DOCK1: variants seen among roughly 807,000 people sequenced by gnomAD.
The protein encoded by DOCK1 is dedicator of cytokinesis protein 1.
A neutral mutation model predicts 262.7 loss-of-function variants in DOCK1; 138 were observed. The ratio of observed to expected loss-of-function variants is 0.53; its 90% CI spans 0.46 to 0.61. DOCK1 has a LOEUF of 0.61. DOCK1 is among the 20% of genes least tolerant of loss of function. The pLI, the probability that DOCK1 is intolerant of heterozygous loss-of-function variation, is 0.00. For synonymous variants in DOCK1, 866 were observed against 867.4 expected (o/e 1.00, Z 0.03); for missense variants, 1,908 against 2,370.7 (o/e 0.80, Z 4.05).
intron 25 of DOCK1, among the ~76,000 whole-genome samples, chr10:127,110,862 C>A (rs1184978079): frequency 6.6e-6 from 1 of 152,086 alleles, no homozygotes; most frequent in Admixed American, 6.5e-5. Flanking sequence ...ATCTCCCTGC[C>A]CTTTTTAGTA....
At chr10:127,419,812 C>T (rs1218589540) in intron 46 of DOCK1, 63 bp downstream of exon 46, 2 of 1,496,056 alleles carry the variant, frequency 1.3e-6, no homozygotes, top group East Asian at 2.5e-5. Context: ...GGTCTAGGCT[C>T]AGCACACACA....
intron 24 of DOCK1, among the ~76,000 whole-genome samples, chr10:127,107,061 A>G (rs10829387): frequency 0.24 from 35,562 of 151,252 alleles, 5,727 homozygotes; most frequent in African/African-American, 0.46. Flanking sequence ...GGCCTCAAGC[A>G]CCCCTCCCGC....
At chr10:126,937,806 C>T (rs2034656764) in intron 1 of DOCK1, among the ~76,000 whole-genome samples, 1 of 152,068 alleles carries the variant, frequency 6.6e-6, no homozygotes, top group Admixed American at 6.6e-5. Flanking sequence ...TGCCTTTCTA[C>T]TCTGTTGATA....
intron 1 of DOCK1, among the ~76,000 whole-genome samples, chr10:126,949,591 G>T (rs2036003086): frequency 6.6e-6 from 1 of 152,090 alleles, no homozygotes; most frequent in Non-Finnish European, 1.5e-5. Context: ...ATCTCTCTGT[G>T]ATGAGAGCAT....
chr10:127,102,092 A>G (rs1160436674), intron 23 of DOCK1, among the ~76,000 whole-genome samples: 1 of 152,168 alleles, frequency 6.6e-6, no homozygotes, highest in African/African-American at 2.4e-5. Flanking sequence ...TGAGGTGAAC[A>G]ACAGCATGGA....
Position 127,017,469 on chromosome 10 carries a change from G to A in DOCK1, c.1202-1241G>A, listed in dbSNP as rs142309671. On this transcript the variant is annotated intron_variant, in intron 12 of 51. Coordinates refer to ENST00000623213, the MANE Select transcript of DOCK1 (RefSeq NM_001290223.2). ...CAGACAGACACAGATTTAGCCACAC[G>A]CATACAGATACACAGACACAGATAC... is the stretch of plus-strand genomic sequence containing the variant. Among the ~76,000 whole-genome samples, 911 of 147,770 alleles carry A rather than the reference G, an allele frequency of 6.2e-3. 6 individuals are homozygous for A. The highest frequency in any genetic ancestry group is 0.01 in the Non-Finnish European group (701 of 67,074).
intron 25 of DOCK1, among the ~76,000 whole-genome samples, chr10:127,124,736 C>T (rs1255551178): frequency 1.3e-5 from 2 of 152,134 alleles, no homozygotes; most frequent in Non-Finnish European, 2.9e-5. Context: ...ATTCTGTGTG[C>T]CTTAAATTGC....
chr10:127,376,449 C>T (rs1051082679), intron 35 of DOCK1, among the ~76,000 whole-genome samples: 1 of 152,184 alleles, frequency 6.6e-6, no homozygotes, highest in Non-Finnish European at 1.5e-5. Context: ...TTATATTCAC[C>T]TGGAGACTGA....
At chr10:127,300,272 C>T (rs76584558) in intron 29 of DOCK1, among the ~76,000 whole-genome samples, 16,652 of 152,226 alleles carry the variant, frequency 0.11, 1,166 homozygotes, top group African/African-American at 0.19. Context: ...GCTTCTTTCG[C>T]GCTGCCTCTC....
At chr10:127,024,850 A>G in intron 15 of DOCK1, 67 bp downstream of exon 15, 5 of 1,317,096 alleles carry the variant, frequency 3.8e-6, no homozygotes, top group South Asian at 1.5e-5. Flanking sequence ...AACCCAAGGA[A>G]ACATCCTAAC....
intron 13 of DOCK1, among the ~76,000 whole-genome samples, chr10:127,020,220 C>T (rs1036646545): frequency 6.6e-6 from 1 of 152,114 alleles, no homozygotes; most frequent in African/African-American, 2.4e-5. Context: ...TGGGAGTGGA[C>T]TAATTTGTAT....
chr10:127,142,709 C>T (rs1346123673), intron 27 of DOCK1, among the ~76,000 whole-genome samples: 1 of 152,168 alleles, frequency 6.6e-6, no homozygotes, highest in Non-Finnish European at 1.5e-5. Context: ...GCTGCCTGCA[C>T]CTCCATTCTC....
At chr10:127,141,863 C>T (rs375085939) in intron 27 of DOCK1, among the ~76,000 whole-genome samples, 5 of 152,176 alleles carry the variant, frequency 3.3e-5, no homozygotes, top group Admixed American at 3.3e-4. Flanking sequence ...AGTCTGTGGC[C>T]TGGTTCTATT....
Position 126,949,266 on chromosome 10 carries a change from G to T in DOCK1, c.47-21436G>T, listed in dbSNP as rs982592708. Among the ~76,000 whole-genome samples the T allele has an allele frequency of 8.5e-5, 13 of 152,232 alleles. No homozygotes were observed. The East Asian group carries it at 2.3e-3, about 27-fold the overall frequency. On this transcript the variant is annotated intron_variant, in intron 1 of 51. Coordinates refer to ENST00000623213, the MANE Select transcript of DOCK1 (RefSeq NM_001290223.2). Reference sequence around the variant, plus strand: ...GCTCTCCTGCAGCCCTCTCCCTGTGGGGAATGGGGAGCCGCAGGACAGCCC... The same window carrying T: ...GCTCTCCTGCAGCCCTCTCCCTGTGTGGAATGGGGAGCCGCAGGACAGCCC...
intron 29 of DOCK1, among the ~76,000 whole-genome samples, chr10:127,334,877 T>C (rs555377200): frequency 4.6e-5 from 7 of 152,264 alleles, no homozygotes; most frequent in Admixed American, 4.6e-4. Context: ...TTTCTGGCAT[T>C]TCTGGTGGAA....
At chr10:127,441,641 G>T (rs1428730000) in intron 49 of DOCK1, among the ~76,000 whole-genome samples, 1 of 152,100 alleles carries the variant, frequency 6.6e-6, no homozygotes, top group Non-Finnish European at 1.5e-5. Flanking sequence ...CGGGGGAGGA[G>T]GTTCACAGGA....
chr10:127,364,961 C>A (rs1384645218), intron 33 of DOCK1, among the ~76,000 whole-genome samples: 2 of 151,940 alleles, frequency 1.3e-5, no homozygotes, highest in Non-Finnish European at 2.9e-5. Flanking sequence ...GTTTTTGTTT[C>A]TCTGGCTCAC....
chr10:127,355,461 C>T (rs1245357724), intron 32 of DOCK1, among the ~76,000 whole-genome samples: 1 of 152,154 alleles, frequency 6.6e-6, no homozygotes, highest in African/African-American at 2.4e-5. Flanking sequence ...AGCCCTCGGG[C>T]TTGCTTTGTG....
At position 127,175,772 on chromosome 10, in the gene DOCK1, C is replaced by T. The variant is rs777030866; in HGVS notation, c.2847+48008C>T. On this transcript the variant is annotated intron_variant, in intron 27 of 51. Transcript: ENST00000623213. The surrounding 1 kb of genome is among the most constrained non-coding windows in gnomAD (Gnocchi z 6.3). Reference sequence around the variant, plus strand: ...ATGGAGGCCGAGTGGAGTTTTGGAGCGCAGCTTCTCCATAGCTGAGCGGCT... The same window carrying T: ...ATGGAGGCCGAGTGGAGTTTTGGAGTGCAGCTTCTCCATAGCTGAGCGGCT... 2.0e-5 allele frequency: 32 copies of T among 1,613,972 alleles called. No individual in the cohort carries two copies. The highest frequency in any genetic ancestry group is 1.6e-4 in the East Asian group (7 of 44,860).
Sources: gnomAD v4.1 joint callset for allele counts (sites outside exome capture counted in the v4.1 genomes callset) on GRCh38, gnomAD v4.1.1 for gene constraint, Gnocchi (gnomAD v3.1) non-coding constraint, MANE v1.5 for transcripts, NCBI Gene and HGNC (gene_info 2026-07-23, HGNC 2026-07-21) for gene names.